Variants in PRDM16 observed in about 807,000 individuals in gnomAD.
PRDM16 encodes histone-lysine N-methyltransferase PRDM16.
PRDM16 carries 23 observed loss-of-function variants against 110.6 expected under a neutral mutation model. The observed-to-expected ratio is 0.21, with a 90% CI of 0.15 to 0.29. The LOEUF (loss-of-function observed/expected upper bound fraction) is 0.29. PRDM16 is among the 10% of genes least tolerant of loss of function. The pLI, the probability that PRDM16 is intolerant of heterozygous loss-of-function variation, is 1.00. For missense variants in PRDM16, 1,615 were observed against 1,794.3 expected, an observed-to-expected ratio of 0.90 and a Z score of 1.81; for synonymous variants, 799 against 781.8, an observed-to-expected ratio of 1.02 and a Z score of -0.37.
At chr1:3,112,336 G>A (rs538970220) in intron 1 of PRDM16, among the ~76,000 whole-genome samples, 3 of 152,360 alleles carry the variant, frequency 2.0e-5, no homozygotes, top group Non-Finnish European at 2.9e-5. Context: ...TTTCAGGGCT[G>A]AGCATCCATC....
rs114915590 is a variant in PRDM16 at position 3,285,573 on chromosome 1, C to T, written c.438+41436C>T. On this transcript the variant is annotated intron_variant, in intron 3 of 16. Transcript: ENST00000270722. ...CGGGAGCTTGGAGCTGTGACATGCT[C>T]GCTCGGGCTTCTTCGCTCACACCCG... 7.3e-3 allele frequency among the ~76,000 whole-genome samples: 1,107 copies of T among 152,290 alleles called. 14 individuals carry two copies. Among genetic ancestry groups the T allele is most frequent in the African/African-American group, 0.025 (1,029 of 41,568 alleles).
At chr1:3,345,539 CCA>C (rs1642343485) in intron 3 of PRDM16, among the ~76,000 whole-genome samples, 1 of 152,184 alleles carries the variant, frequency 6.6e-6, no homozygotes, top group African/African-American at 2.4e-5. Context: ...TTCAAACTGG[CCA>C]AGTACCCCAC....
chr1:3,361,180 C>A (rs112864549), intron 3 of PRDM16, among the ~76,000 whole-genome samples: 24 of 152,318 alleles, frequency 1.6e-4, no homozygotes, highest in African/African-American at 5.8e-4. Context: ...CTTTGGGAGG[C>A]CCCCGTCCCC....
At chr1:3,334,995 T>C (rs151020365) in intron 3 of PRDM16, among the ~76,000 whole-genome samples, 4 of 152,144 alleles carry the variant, frequency 2.6e-5, no homozygotes, top group Non-Finnish European at 5.9e-5. Context: ...CCCCATAGGC[T>C]CAGAGCCAGA....
At position 3,244,287 on chromosome 1, in the gene PRDM16, C is replaced by G; in HGVS notation, c.438+150C>G. 1.4e-6 allele frequency: 1 copy of G among 733,624 alleles called. No homozygotes were observed. The highest frequency in any genetic ancestry group is 2.3e-6 in the Non-Finnish European group (1 of 428,718). The allele number at this position is 733,624 out of a possible 1,614,324, so 45.4% of individuals were successfully genotyped here. ...GAGCAATGTGTTATCTGTGGACTGACGTGTGCACAGGACGGTGGCTTTGCT... is the reference window on the plus strand; with the variant it reads ...GAGCAATGTGTTATCTGTGGACTGAGGTGTGCACAGGACGGTGGCTTTGCT... On this transcript the variant is annotated intron_variant, in intron 3 of 16. Coordinates refer to ENST00000270722, the MANE Select transcript of PRDM16 (RefSeq NM_022114.4). This position sits in a 1 kb window ranked among gnomAD's most constrained non-coding sequence, Gnocchi z 4.1.
intron 1 of PRDM16, among the ~76,000 whole-genome samples, chr1:3,090,604 C>T (rs1449523338): frequency 6.6e-6 from 1 of 152,220 alleles, no homozygotes; most frequent in African/African-American, 2.4e-5. Context: ...GGTGCCCACG[C>T]CCGAGGGCTT....
chr1:3,426,063 C>G lies in PRDM16; in HGVS notation c.3122C>G (p.Pro1041Arg). 6.2e-7 allele frequency: 1 copy of G among 1,613,430 alleles called. No homozygotes were observed. Residue 1041 changes from proline to arginine, a missense_variant, in exon 14 of 17, where the codon CCC (proline) becomes CGC (arginine). Physicochemically the swap from Pro to Arg is moderately radical, Grantham distance 103. Coordinates refer to ENST00000270722, the MANE Select transcript of PRDM16 (RefSeq NM_022114.4). ...EHENAPVSQH[P>R]GVLTNHLGTS... ...CGCCCCTCCGCAGTGAGCCAGCACC[C>G]CGGGGTCCTCACGAACCACCTGGGG...
chr1:3,266,941 G>C (rs938851013), intron 3 of PRDM16, among the ~76,000 whole-genome samples: 3 of 152,196 alleles, frequency 2.0e-5, no homozygotes, highest in African/African-American at 7.2e-5. Context: ...ACTTCCGAAA[G>C]TGCTGGGATT....
intron 1 of PRDM16, among the ~76,000 whole-genome samples, chr1:3,087,904 T>C (rs1183930681): frequency 6.6e-6 from 1 of 152,112 alleles, no homozygotes; most frequent in Non-Finnish European, 1.5e-5. Flanking sequence ...CTCCTGTTTG[T>C]GGTTGAGCAA....
chr1:3,097,821 G>C (rs1324215567), intron 1 of PRDM16, among the ~76,000 whole-genome samples: 1 of 152,102 alleles, frequency 6.6e-6, no homozygotes, highest in African/African-American at 2.4e-5. Flanking sequence ...ATCCCAGGGG[G>C]GCCCAAGCAT....
rs772460000 is a variant in PRDM16 at position 3,433,704 on chromosome 1, G to A, written c.3724G>A (p.Glu1242Lys). The change falls in exon 17 of 17, where the codon GAA becomes AAA. Residue 1242 changes from glutamate (E) to lysine (K), a missense_variant. Around this residue, in one of 5 missense-constraint regions of PRDM16, gnomAD observed 327 missense variants for 359.3 expected, o/e 0.91. Transcript: ENST00000270722. ...ATATGCAATGATGCTGTCCCTTTCCGAAGACACTCCTCTCCACACCCCCTC... is the reference window on the plus strand; with the variant it reads ...ATATGCAATGATGCTGTCCCTTTCCAAAGACACTCCTCTCCACACCCCCTC... ...QAYAMMLSLS[E>K]DTPLHTPSQG... The A allele has an allele frequency of 2.2e-5, 36 of 1,613,766 alleles. No homozygotes were observed. The highest frequency in any genetic ancestry group is 9.9e-5 in the South Asian group (9 of 91,082).
At chr1:3,075,142 C>T (rs768182861) in intron 1 of PRDM16, among the ~76,000 whole-genome samples, 4 of 152,242 alleles carry the variant, frequency 2.6e-5, no homozygotes, top group Admixed American at 2.0e-4. Flanking sequence ...AACAATGCCC[C>T]GAGGCCTGAA....
In PRDM16 at chr1:3,201,093, T is replaced by C. The variant is rs1009262885; in HGVS notation, c.387+14619T>C. Among the ~76,000 whole-genome samples the C allele has an allele frequency of 1.3e-5, 2 of 151,696 alleles. No individual in the cohort carries two copies. The highest frequency in any genetic ancestry group is 4.9e-5 in the African/African-American group (2 of 41,232). Reference sequence around the variant, plus strand: ...AGGCCAGCTGCCCAAATGACTGAAGTCTGATGGCAGAAGGACATCAGGACC... The same window carrying C: ...AGGCCAGCTGCCCAAATGACTGAAGCCTGATGGCAGAAGGACATCAGGACC... On this transcript the variant is annotated intron_variant, in intron 2 of 16. Transcript: ENST00000270722. The surrounding 1 kb of genome is among the most constrained non-coding windows in gnomAD (Gnocchi z 4.1).
intron 1 of PRDM16, among the ~76,000 whole-genome samples, chr1:3,111,676 C>T (rs1403243264): frequency 6.6e-6 from 1 of 152,136 alleles, no homozygotes. Context: ...CGCAGGCCGG[C>T]TTTCAGGTAC....
intron 1 of PRDM16, among the ~76,000 whole-genome samples, chr1:3,086,962 A>G (rs1226538780): frequency 6.6e-6 from 1 of 152,196 alleles, no homozygotes; most frequent in Non-Finnish European, 1.5e-5. Flanking sequence ...TAGAAAAAGA[A>G]AAGAAGGAGT....
chr1:3,328,842 G>A (rs1299267920), intron 3 of PRDM16, among the ~76,000 whole-genome samples: 3 of 152,126 alleles, frequency 2.0e-5, no homozygotes, highest in East Asian at 3.9e-4. Flanking sequence ...CATTTCCTAC[G>A]TAAAAGGTGA....
intron 3 of PRDM16, among the ~76,000 whole-genome samples, chr1:3,379,107 G>C (rs1643048429): frequency 1.5e-5 from 1 of 68,942 alleles, no homozygotes; most frequent in Admixed American, 1.6e-4. Context: ...CCCTCCCGGT[G>C]CACCCCCCCA....
intron 6 of PRDM16, among the ~76,000 whole-genome samples, chr1:3,403,365 C>T (rs74048430): frequency 0.036 from 5,449 of 152,302 alleles, 293 homozygotes; most frequent in African/African-American, 0.12. Flanking sequence ...GACCTGCAGC[C>T]GCTAAGCCCA....
At chr1:3,300,602 C>T (rs569494280) in intron 3 of PRDM16, among the ~76,000 whole-genome samples, 105 of 152,330 alleles carry the variant, frequency 6.9e-4, no homozygotes, top group South Asian at 1.2e-3. Context: ...CCTGGAGCCT[C>T]GGAACCGCGG....
Sources: allele counts gnomAD v4.1 joint callset (sites outside exome capture counted in the v4.1 genomes callset), GRCh38; gene constraint gnomAD v4.1.1; regional missense constraint gnomAD v4.1.1; non-coding constraint Gnocchi (gnomAD v3.1); transcripts MANE v1.5; gene names NCBI Gene and HGNC (gene_info 2026-07-23, HGNC 2026-07-21).